TTC33: variants seen among roughly 807,000 people sequenced by gnomAD.
The protein encoded by TTC33 is tetratricopeptide repeat protein 33.
In TTC33, 24 loss-of-function variants were observed where a neutral mutation model predicts 29.4. That is an observed-to-expected ratio of 0.82 (90% confidence interval 0.59 to 1.15). TTC33 has a LOEUF of 1.15. Ranked by LOEUF, TTC33 falls within the 50% of genes most tolerant of loss-of-function variation. The probability of loss-of-function intolerance (pLI) is 0.00; values close to 1 mark genes in which losing one functional copy is unlikely to be tolerated. For missense variants in TTC33, 286 were observed against 310.4 expected, an observed-to-expected ratio of 0.92 and a Z score of 0.59; for synonymous variants, 107 against 100.3, an observed-to-expected ratio of 1.07 and a Z score of -0.40.
intron 1 of TTC33, among the ~76,000 whole-genome samples, chr5:40,750,208 T>G (rs1742869034): frequency 6.6e-6 from 1 of 152,102 alleles, no homozygotes. Flanking sequence ...TTTTCCTCAA[T>G]GTTGATGGCT....
intron 4 of TTC33, 63 bp downstream of exon 4, chr5:40,728,281 CA>C (rs70988805): frequency 1.5e-3 from 477 of 317,696 alleles, no homozygotes; most frequent in African/African-American, 0.015. Context: ...GACTCCATCT[CA>C]AAAAAAAAAA....
At chr5:40,744,767 A>G (rs1178465338) in intron 2 of TTC33, among the ~76,000 whole-genome samples, 1 of 152,128 alleles carries the variant, frequency 6.6e-6, no homozygotes, top group Non-Finnish European at 1.5e-5. Flanking sequence ...TTTCTAATAT[A>G]TTTTCTTCAC....
rs1166984123 is a variant in TTC33, at chr5:40,714,032, A to G, written c.*2113T>C. On this transcript the variant is annotated 3_prime_UTR_variant, in exon 5 of 5. Transcript: ENST00000337702. The stretch of plus-strand genomic sequence containing the variant: ...ATGTCTAAACTATTTTATGTCTTAT[A>G]TCTGGGTAAGAAAGAGACTAACTTG... Among the ~76,000 whole-genome samples the G allele has an allele frequency of 2.0e-5, 3 of 152,144 alleles. No homozygotes were observed. Among genetic ancestry groups the G allele is most frequent in the Non-Finnish European group, 4.4e-5 (3 of 68,016 alleles).
At chr5:40,726,493 G>A (rs1742290159) in intron 4 of TTC33, among the ~76,000 whole-genome samples, 1 of 147,338 alleles carries the variant, frequency 6.8e-6, no homozygotes. Flanking sequence ...TCTTTTAAGA[G>A]AACAGCTTAA....
intron 4 of TTC33, among the ~76,000 whole-genome samples, chr5:40,728,100 G>A (rs1227440318): frequency 6.6e-6 from 1 of 151,690 alleles, no homozygotes; most frequent in African/African-American, 2.4e-5. Flanking sequence ...TGACTAACAT[G>A]GTGACACCCC....
intron 4 of TTC33, 85 bp downstream of exon 4, chr5:40,728,260 G>GGTGA (rs1263340489): frequency 1.1e-6 from 1 of 942,930 alleles, no homozygotes; most frequent in Non-Finnish European, 1.4e-6. Context: ...CTGTACCCTG[G>GGTGA]GTGACATCAA....
intron 4 of TTC33, 119 bp from the exon 5 acceptor site, chr5:40,716,617 T>G: frequency 1.5e-6 from 1 of 675,784 alleles, no homozygotes; most frequent in African/African-American, 1.8e-5. Flanking sequence ...ATTATCTTAA[T>G]GTACTAGAAC....
chr5:40,739,925 T>C (rs1436720369), intron 2 of TTC33, among the ~76,000 whole-genome samples: 1 of 152,172 alleles, frequency 6.6e-6, no homozygotes, highest in East Asian at 1.9e-4. Flanking sequence ...GGAATAATAC[T>C]ACAAATGGTG....
chr5:40,753,574 A>C (rs927342593), intron 1 of TTC33, among the ~76,000 whole-genome samples: 12 of 152,150 alleles, frequency 7.9e-5, no homozygotes, highest in Admixed American at 5.9e-4. Flanking sequence ...GAAGATGACT[A>C]TGAGTATTGT....
chr5:40,736,380 A>C (rs1742551894), intron 2 of TTC33, among the ~76,000 whole-genome samples: 1 of 152,218 alleles, frequency 6.6e-6, no homozygotes, highest in South Asian at 2.1e-4. Flanking sequence ...GACAAGAACA[A>C]AATGCATGGT....
At position 40,738,488 on chromosome 5, in the gene TTC33, AC is replaced by A. The variant is rs1420874771; in HGVS notation, c.222-8146del. On this transcript the variant is annotated intron_variant, in intron 2 of 4. Transcript: ENST00000337702. ...ACAATACAATACAATACAATACAAT[AC>A]AATACAATACAATACAATAAAATAC... is the stretch of plus-strand genomic sequence containing the variant. Among the ~76,000 whole-genome samples the A allele has an allele frequency of 7.8e-3, 1,066 of 136,496 alleles. 14 individuals carry two copies. Among genetic ancestry groups the A allele is most frequent in the African/African-American group, 0.022 (782 of 35,658 alleles). The allele number at this position is 136,496 out of a possible 152,430, so 89.5% of individuals were successfully genotyped here.
At chr5:40,734,878 G>T (rs1742510611) in intron 2 of TTC33, among the ~76,000 whole-genome samples, 1 of 152,204 alleles carries the variant, frequency 6.6e-6, no homozygotes, top group Non-Finnish European at 1.5e-5. Context: ...AAATATAAGT[G>T]CCGTGATAAA....
At chr5:40,731,549 A>G (rs2111899587) in intron 2 of TTC33, among the ~76,000 whole-genome samples, 1 of 152,342 alleles carries the variant, frequency 6.6e-6, no homozygotes, top group South Asian at 2.1e-4. Flanking sequence ...TGGAGGCACG[A>G]GAGAGAAATG....
intron 1 of TTC33, among the ~76,000 whole-genome samples, chr5:40,753,190 C>T (rs1324964005): frequency 6.6e-6 from 1 of 151,934 alleles, no homozygotes; most frequent in African/African-American, 2.4e-5. Context: ...CATGGTGAAA[C>T]CCCGTCTCTA....
Position 40,716,482 on chromosome 5 carries a change from T to G in TTC33, c.452A>C (p.Gln151Pro), listed in dbSNP as rs777669032. The G allele has an allele frequency of 1.2e-5, 19 of 1,588,370 alleles. No homozygotes were observed. Among genetic ancestry groups the G allele is most frequent in the Non-Finnish European group, 1.4e-5 (16 of 1,169,956 alleles). Residue 151 changes from glutamine to proline, a missense_variant, in exon 5 of 5, where the codon CAA (glutamine) becomes CCA (proline). Gln to Pro is a moderately conservative substitution (Grantham distance 76, BLOSUM62 -1). Transcript: ENST00000337702. ...CATTGGATAGATGTGAAGGGCTACT[T>G]GAAAACTTCGAATTGCCTAGAAAAT... ...GEIILAIRSF[Q>P]VALHIYPMNP...
rs182799190 is a variant in TTC33 at position 40,749,050 on chromosome 5, C to T, written c.-1-2031G>A. On this transcript the variant is annotated intron_variant, in intron 1 of 4. Coordinates refer to ENST00000337702, the MANE Select transcript of TTC33 (RefSeq NM_012382.3). ...CTGAGGCAAGAGAATTGCTTGAACCCGGGAGGCGGAGGTTGCAGTGAGCCT... is the reference window on the plus strand; with the variant it reads ...CTGAGGCAAGAGAATTGCTTGAACCTGGGAGGCGGAGGTTGCAGTGAGCCT... Among the ~76,000 whole-genome samples, 802 of 152,072 alleles carry T rather than the reference C, an allele frequency of 5.3e-3. 8 individuals carry two copies. Among genetic ancestry groups the T allele is most frequent in the African/African-American group, 0.018 (760 of 41,490 alleles).
intron 2 of TTC33, among the ~76,000 whole-genome samples, chr5:40,738,643 AAGCTATTT>A (rs1187786161): frequency 6.6e-6 from 1 of 151,798 alleles, no homozygotes; most frequent in African/African-American, 2.4e-5. Context: ...CAAAGAGGTA[AAGCTATTT>A]TACATTTTCA....
chr5:40,724,161 G>T (rs1368521004), intron 4 of TTC33, among the ~76,000 whole-genome samples: 1 of 152,024 alleles, frequency 6.6e-6, no homozygotes, highest in African/African-American at 2.4e-5. Flanking sequence ...AAAGCAAATG[G>T]TATACACACA....
chr5:40,714,157 A>G lies in TTC33; in HGVS notation c.*1988T>C, dbSNP rs1471003860. On this transcript the variant is annotated 3_prime_UTR_variant, in exon 5 of 5. Transcript: ENST00000337702. ...GTCTTGCCTCTTTGGGACTTGAGCT[A>G]TAGACCCTGTCAAGAAAAATCCCAC... Among the ~76,000 whole-genome samples the G allele has an allele frequency of 6.6e-6, 1 of 152,218 alleles. No homozygotes were observed. The highest frequency in any genetic ancestry group is 1.5e-5 in the Non-Finnish European group (1 of 68,032).
Sources: gnomAD v4.1 joint callset for allele counts (sites outside exome capture counted in the v4.1 genomes callset) on GRCh38, gnomAD v4.1.1 for gene constraint, MANE v1.5 for transcripts, NCBI Gene and HGNC (gene_info 2026-07-23, HGNC 2026-07-21) for gene names.